Variants in RAPGEF5 observed in about 807,000 individuals in gnomAD.
RAPGEF5 encodes Rap guanine nucleotide exchange factor 5.
A neutral mutation model predicts 125.2 loss-of-function variants in RAPGEF5; 65 were observed. The observed-to-expected ratio is 0.52, with a 90% CI of 0.43 to 0.64. The LOEUF is 0.64. Ranked by LOEUF, RAPGEF5 falls within the 30% of genes least tolerant of loss-of-function variation. RAPGEF5 has a pLI of 0.00. For missense variants in RAPGEF5, 958 were observed against 1,048.1 expected (o/e 0.91, Z 1.19); for synonymous variants, 391 against 385.9 (o/e 1.01, Z -0.16).
chr7:22,328,967 C>T (rs1248001925), intron 1 of RAPGEF5, among the ~76,000 whole-genome samples: 3 of 152,184 alleles, frequency 2.0e-5, no homozygotes, highest in African/African-American at 7.2e-5. Flanking sequence ...ACTTTTTTCA[C>T]TATACAGGGG....
chr7:22,324,580 A>C (rs1419917820), intron 1 of RAPGEF5, among the ~76,000 whole-genome samples: 1 of 152,218 alleles, frequency 6.6e-6, no homozygotes, highest in Non-Finnish European at 1.5e-5. Flanking sequence ...TTTAAGTCTA[A>C]AATTACTTCA....
At chr7:22,272,475 A>C (rs1168463174) in intron 6 of RAPGEF5, among the ~76,000 whole-genome samples, 1 of 152,114 alleles carries the variant, frequency 6.6e-6, no homozygotes, top group Non-Finnish European at 1.5e-5. Context: ...TTTTTAATAG[A>C]ATTGCCAATT....
chr7:22,135,653 T>G (rs1305157350), intron 23 of RAPGEF5, among the ~76,000 whole-genome samples: 1 of 152,230 alleles, frequency 6.6e-6, no homozygotes, highest in African/African-American at 2.4e-5. Context: ...CTCTTAAGTT[T>G]AGGTTGCAAA....
intron 7 of RAPGEF5, among the ~76,000 whole-genome samples, chr7:22,256,791 C>A (rs899632258): frequency 5.9e-5 from 9 of 152,192 alleles, no homozygotes; most frequent in Non-Finnish European, 1.0e-4. Context: ...AATGAGCCAA[C>A]ATTAGCAGGA....
intron 14 of RAPGEF5, among the ~76,000 whole-genome samples, 186 bp downstream of exon 14, chr7:22,160,332 T>C (rs1783947299): frequency 6.6e-6 from 1 of 152,206 alleles, no homozygotes; most frequent in Non-Finnish European, 1.5e-5. Flanking sequence ...TAAGCTGAAT[T>C]CCGTGTTCTT....
At chr7:22,305,684 C>G (rs575091212) in intron 5 of RAPGEF5, among the ~76,000 whole-genome samples, 1 of 152,226 alleles carries the variant, frequency 6.6e-6, no homozygotes, top group African/African-American at 2.4e-5. Flanking sequence ...TACCCATTAA[C>G]CATCCACACC....
intron 6 of RAPGEF5, among the ~76,000 whole-genome samples, chr7:22,287,063 A>C (rs1201715535): frequency 6.6e-6 from 1 of 152,188 alleles, no homozygotes; most frequent in African/African-American, 2.4e-5. Flanking sequence ...CTTCCAGATA[A>C]TTCCTAGAGT....
At chr7:22,259,056 C>T (rs910812295) in intron 7 of RAPGEF5, among the ~76,000 whole-genome samples, 5 of 152,020 alleles carry the variant, frequency 3.3e-5, no homozygotes, top group Non-Finnish European at 5.9e-5. Flanking sequence ...TGCAAAGACA[C>T]TTAAGAAAAT....
rs1425781605 is a variant in RAPGEF5 at position 22,177,097 on chromosome 7, G to A, written c.1205-9949C>T. Among the ~76,000 whole-genome samples, 3 of 152,196 alleles carry A rather than the reference G, an allele frequency of 2.0e-5. No individual in the cohort carries two copies. In the East Asian group the frequency reaches 5.8e-4, roughly 29 times the overall value. On this transcript the variant is annotated intron_variant, in intron 11 of 25. Transcript: ENST00000665637. ...TGGGTCACAGAGAAAGGTTTGGTCA[G>A]CAACCATTTACTGAACTTCTGTGAC...
chr7:22,196,677 GAT>G (rs1785153037), intron 9 of RAPGEF5, among the ~76,000 whole-genome samples: 1 of 152,174 alleles, frequency 6.6e-6, no homozygotes, highest in South Asian at 2.1e-4. Flanking sequence ...GACAATCAAA[GAT>G]AACTATGGGT....
At chr7:22,160,384 GA>G (rs34097983) in intron 14 of RAPGEF5, 133 bp downstream of exon 14, 1 of 771,350 alleles carries the variant, frequency 1.3e-6, no homozygotes, top group East Asian at 2.9e-5. Flanking sequence ...TTTACTACTA[GA>G]AAAGCTAAGG....
At chr7:22,162,902 C>T (rs1784052168) in intron 12 of RAPGEF5, 2 of 464,274 alleles carry the variant, frequency 4.3e-6, no homozygotes, top group Admixed American at 2.3e-5. Flanking sequence ...CAGGTGAATA[C>T]TATTTCAATA....
intron 4 of RAPGEF5, 32 bp from the exon 5 acceptor site, chr7:22,308,539 T>G (rs773405113): frequency 7.0e-7 from 1 of 1,422,408 alleles, no homozygotes; most frequent in Non-Finnish European, 9.4e-7. Context: ...TAGATCAATT[T>G]TTTAAAAGAT....
intron 12 of RAPGEF5, among the ~76,000 whole-genome samples, chr7:22,163,599 G>T (rs142373286): frequency 1.3e-5 from 2 of 152,118 alleles, no homozygotes; most frequent in African/African-American, 4.8e-5. Context: ...ATTTATACAC[G>T]ATGACCATAT....
chr7:22,311,650 A>G (rs1007291635), intron 3 of RAPGEF5, among the ~76,000 whole-genome samples: 2 of 152,228 alleles, frequency 1.3e-5, no homozygotes, highest in African/African-American at 4.8e-5. Flanking sequence ...AATTAAGCCA[A>G]TTCTAGACAT....
At chr7:22,300,791 G>C (rs1783179718) in intron 5 of RAPGEF5, among the ~76,000 whole-genome samples, 1 of 152,108 alleles carries the variant, frequency 6.6e-6, no homozygotes. Flanking sequence ...CACCACCACA[G>C]AGCTCTGAAC....
At chr7:22,201,499 T>C (rs558039734) in intron 9 of RAPGEF5, among the ~76,000 whole-genome samples, 2 of 152,344 alleles carry the variant, frequency 1.3e-5, no homozygotes, top group South Asian at 4.1e-4. Context: ...CTACACCATA[T>C]TGGTCATGTA....
At position 22,216,288 on chromosome 7, in the gene RAPGEF5, G is replaced by A. The variant is rs115757818; in HGVS notation, c.996+3578C>T. 5.0e-3 allele frequency among the ~76,000 whole-genome samples: 767 copies of A among 152,234 alleles called. 8 individuals carry two copies. The highest frequency in any genetic ancestry group is 0.018 in the African/African-American group (734 of 41,530). On this transcript the variant is annotated intron_variant, in intron 9 of 25. Coordinates refer to ENST00000665637, the MANE Select transcript of RAPGEF5 (RefSeq NM_012294.5). ...ATTATGCCACTTCCCTTCTTTGATG[G>A]CTTTCCTTTGACCAAAAGGCAAGTT...
Position 22,166,069 on chromosome 7 carries a change from C to CAT in RAPGEF5, c.1283+999_1283+1000dup, listed in dbSNP as rs1187444990. ...ATGTATATTATATATATATTATATA[C>CAT]ATATATATGTATCATATATATATAT... On this transcript the variant is annotated intron_variant, in intron 12 of 25. Transcript: ENST00000665637. 4.9e-4 allele frequency among the ~76,000 whole-genome samples: 71 copies of CAT among 145,100 alleles called. 1 individual carries two copies. Among genetic ancestry groups the CAT allele is most frequent in the African/African-American group, 1.4e-3 (57 of 39,578 alleles).
Sources: gnomAD v4.1 joint callset for allele counts (sites outside exome capture counted in the v4.1 genomes callset) on GRCh38, gnomAD v4.1.1 for gene constraint, MANE v1.5 for transcripts, NCBI Gene and HGNC (gene_info 2026-07-23, HGNC 2026-07-21) for gene names.